Variants in MEOX2 observed in about 807,000 individuals in gnomAD.
MEOX2 encodes homeobox protein MOX-2.
Under a neutral mutation model 27.0 loss-of-function variants are expected in MEOX2, and 11 were observed. The observed-to-expected ratio is 0.41, with a 90% confidence interval of 0.26 to 0.68. MEOX2 has a LOEUF of 0.68. MEOX2 is among the 30% of genes least tolerant of loss of function. The pLI is 0.33. For synonymous variants in MEOX2, 189 were observed against 155.4 expected, an observed-to-expected ratio of 1.22 and a Z score of -1.61; for missense variants, 436 against 385.4, an observed-to-expected ratio of 1.13 and a Z score of -1.10.
At chr7:15,613,028 A>T (rs55679341) in intron 2 of MEOX2, among the ~76,000 whole-genome samples, 2,373 of 152,310 alleles carry the variant, frequency 0.016, 66 homozygotes, top group African/African-American at 0.054. Flanking sequence ...AATTTAAAAC[A>T]TGCTCCTGCA....
At chr7:15,615,420 C>T (rs1186180617) in intron 2 of MEOX2, among the ~76,000 whole-genome samples, 7 of 83,168 alleles carry the variant, frequency 8.4e-5, no homozygotes, top group South Asian at 2.9e-4. Flanking sequence ...ATTTTTAAAG[C>T]ATTTGTAATA....
chr7:15,660,504 A>T (rs1432711632), intron 1 of MEOX2, among the ~76,000 whole-genome samples: 2 of 152,022 alleles, frequency 1.3e-5, no homozygotes, highest in Non-Finnish European at 2.9e-5. Context: ...TGTCATTTGC[A>T]TCGTAAGATA....
At chr7:15,618,038 C>T (rs10254129) in intron 2 of MEOX2, among the ~76,000 whole-genome samples, 3 of 151,758 alleles carry the variant, frequency 2.0e-5, no homozygotes, top group Admixed American at 6.6e-5. Flanking sequence ...CAACCTTATA[C>T]TCTCACTCTT....
chr7:15,686,587 T>C lies in MEOX2; in HGVS notation c.-185A>G. 1 of 615,344 alleles carries C rather than the reference T, an allele frequency of 1.6e-6. No individual in the cohort carries two copies. Among genetic ancestry groups the C allele is most frequent in the Middle Eastern group, 2.7e-4 (1 of 3,738 alleles). The allele number at this position is 615,344 out of a possible 1,614,324, so 38.1% of individuals were successfully genotyped here. ...CCCAGCGGCCAGTCTCCTTTACATA[T>C]GAACAGTCGGACCTGGAAGAGCTTC... On this transcript the variant is annotated 5_prime_UTR_variant, in exon 1 of 3. Coordinates refer to ENST00000262041, the MANE Select transcript of MEOX2 (RefSeq NM_005924.5).
chr7:15,614,507 CTTT>C (rs1781090898), intron 2 of MEOX2, among the ~76,000 whole-genome samples: 1 of 152,088 alleles, frequency 6.6e-6, no homozygotes, highest in African/African-American at 2.4e-5. Context: ...CTTAACTTTA[CTTT>C]ATTTTAAATG....
intron 1 of MEOX2, among the ~76,000 whole-genome samples, chr7:15,647,514 T>C (rs1381051820): frequency 1.3e-5 from 2 of 152,110 alleles, no homozygotes; most frequent in Non-Finnish European, 2.9e-5. Context: ...CAGTATTTCC[T>C]TTTCTTAGCA....
At chr7:15,675,039 G>A (rs1782170060) in intron 1 of MEOX2, among the ~76,000 whole-genome samples, 1 of 152,054 alleles carries the variant, frequency 6.6e-6, no homozygotes, top group Admixed American at 6.6e-5. Context: ...ACAAAAAAAG[G>A]CAAATACAAT....
chr7:15,674,444 G>A (rs1216822278), intron 1 of MEOX2, among the ~76,000 whole-genome samples: 1 of 151,980 alleles, frequency 6.6e-6, no homozygotes, highest in Admixed American at 6.6e-5. Context: ...GTAGGATGAA[G>A]CAATGGAACT....
At chr7:15,642,701 A>G (rs1255361475) in intron 1 of MEOX2, among the ~76,000 whole-genome samples, 1 of 152,174 alleles carries the variant, frequency 6.6e-6, no homozygotes, top group Admixed American at 6.5e-5. Flanking sequence ...TGGTGCTAGA[A>G]TTATTTATGC....
chr7:15,685,420 T>C (rs1266142337), intron 1 of MEOX2, among the ~76,000 whole-genome samples: 2 of 151,888 alleles, frequency 1.3e-5, no homozygotes, highest in Admixed American at 1.3e-4. Context: ...GTTCCAAACA[T>C]TGTGCAATAA....
chr7:15,672,355 C>A (rs1456388979), intron 1 of MEOX2, among the ~76,000 whole-genome samples: 1 of 152,076 alleles, frequency 6.6e-6, no homozygotes, highest in Non-Finnish European at 1.5e-5. Context: ...CATAACTGCA[C>A]AGAATGTATA....
chr7:15,679,355 AC>A (rs1164061718), intron 1 of MEOX2: 1 of 152,132 alleles, frequency 6.6e-6, no homozygotes, highest in African/African-American at 2.4e-5. Context: ...TACAATAAAA[AC>A]AAAAAACTAT....
At chr7:15,673,267 T>C (rs1443201159) in intron 1 of MEOX2, among the ~76,000 whole-genome samples, 1 of 152,222 alleles carries the variant, frequency 6.6e-6, no homozygotes, top group Non-Finnish European at 1.5e-5. Flanking sequence ...AATGTAAGTG[T>C]AGTCTTCTGC....
At chr7:15,623,651 G>A (rs143218029) in intron 2 of MEOX2, among the ~76,000 whole-genome samples, 2 of 152,148 alleles carry the variant, frequency 1.3e-5, no homozygotes, top group East Asian at 3.9e-4. Flanking sequence ...ACAAGTACAG[G>A]CTTGAGCTAC....
chr7:15,673,885 T>C (rs1345917389), intron 1 of MEOX2, among the ~76,000 whole-genome samples: 1 of 152,102 alleles, frequency 6.6e-6, no homozygotes, highest in Non-Finnish European at 1.5e-5. Context: ...CAGAACATTG[T>C]CTTAAACTCC....
In MEOX2 at chr7:15,612,300, A is replaced by T; in HGVS notation, c.*87T>A. The T allele has an allele frequency of 9.8e-7, 1 of 1,022,736 alleles. No individual in the cohort carries two copies. The highest frequency in any genetic ancestry group is 1.5e-6 in the Non-Finnish European group (1 of 652,044). 63.4% of individuals were successfully genotyped at this position (1,022,736 alleles called of 1,614,324 possible). A position where few individuals can be genotyped will look rare whatever the true frequency, so the allele number is the denominator to read the frequency against. ...TAATAATATTAAACATCACTGCCAT[A>T]GTCATCTCTCTGTGTAAACGATATT... is the stretch of plus-strand genomic sequence containing the variant. On this transcript the variant is annotated 3_prime_UTR_variant, in exon 3 of 3. Coordinates refer to ENST00000262041, the MANE Select transcript of MEOX2 (RefSeq NM_005924.5).
intron 2 of MEOX2, among the ~76,000 whole-genome samples, chr7:15,618,659 A>C (rs1273884615): frequency 6.6e-6 from 1 of 151,938 alleles, no homozygotes; most frequent in Non-Finnish European, 1.5e-5. Context: ...ACTATGATTC[A>C]ATCTAAATTT....
intron 1 of MEOX2, among the ~76,000 whole-genome samples, chr7:15,661,012 C>CAA (rs71004402): frequency 0.097 from 4,306 of 44,322 alleles, 1,107 homozygotes; most frequent in Non-Finnish European, 0.11. Context: ...GACTCAGTCT[C>CAA]AAAAAAAAAA....
At chr7:15,654,289 T>C (rs1781786564) in intron 1 of MEOX2, among the ~76,000 whole-genome samples, 1 of 151,938 alleles carries the variant, frequency 6.6e-6, no homozygotes, top group African/African-American at 2.4e-5. Flanking sequence ...ATATAAGTTC[T>C]AATATTTGGG....
Sources: allele counts gnomAD v4.1 joint callset (sites outside exome capture counted in the v4.1 genomes callset), GRCh38; gene constraint gnomAD v4.1.1; transcripts MANE v1.5; gene names NCBI Gene and HGNC (gene_info 2026-07-23, HGNC 2026-07-21).